TMEM132D: variants seen among roughly 807,000 people sequenced by gnomAD.
TMEM132D encodes the protein mature OL transmembrane protein.
Under a neutral mutation model 62.3 loss-of-function variants are expected in TMEM132D, and 21 were observed. That is an observed-to-expected ratio of 0.34 (90% CI 0.24 to 0.49). The LOEUF is 0.49. Ranked by LOEUF, TMEM132D falls within the 20% of genes least tolerant of loss-of-function variation. The probability of loss-of-function intolerance (pLI) is 0.99; values close to 1 mark genes in which losing one functional copy is unlikely to be tolerated. For synonymous variants in TMEM132D, 621 were observed against 575.6 expected (o/e 1.08, Z -1.13); for missense variants, 1,346 against 1,402.8 (o/e 0.96, Z 0.65).
chr12:129,566,833 CCTTAT>C (rs538101659), intron 2 of TMEM132D, among the ~76,000 whole-genome samples: 6 of 152,282 alleles, frequency 3.9e-5, no homozygotes, highest in East Asian at 3.9e-4. Flanking sequence ...TTCCACAACC[CCTTAT>C]CTTAACTCAC....
intron 3 of TMEM132D, among the ~76,000 whole-genome samples, chr12:129,338,640 G>A (rs985070574): frequency 6.6e-6 from 1 of 152,154 alleles, no homozygotes; most frequent in Non-Finnish European, 1.5e-5. Flanking sequence ...AGAATGAACA[G>A]AGGAATCCGC....
At chr12:129,333,215 T>C (rs951609650) in intron 4 of TMEM132D, among the ~76,000 whole-genome samples, 1 of 152,078 alleles carries the variant, frequency 6.6e-6, no homozygotes, top group African/African-American at 2.4e-5. Context: ...TGCAGGAAAA[T>C]GGGTATCACT....
At chr12:129,500,668 G>A (rs1273643529) in intron 3 of TMEM132D, among the ~76,000 whole-genome samples, 1 of 152,164 alleles carries the variant, frequency 6.6e-6, no homozygotes, top group Middle Eastern at 3.2e-3. Context: ...ACAATGACCC[G>A]CTTTTCCTCC....
chr12:129,740,965 T>C (rs1869588129), intron 1 of TMEM132D, among the ~76,000 whole-genome samples: 1 of 152,208 alleles, frequency 6.6e-6, no homozygotes, highest in Admixed American at 6.5e-5. Context: ...TTTAGCATTT[T>C]AGGGCCCTGA....
chr12:129,572,633 G>A (rs1368160844), intron 2 of TMEM132D, among the ~76,000 whole-genome samples: 2 of 152,008 alleles, frequency 1.3e-5, no homozygotes, highest in Non-Finnish European at 2.9e-5. Context: ...ATTTCTAGTA[G>A]AGATGGGGTT....
chr12:129,331,884 T>G (rs1869115360), intron 4 of TMEM132D, among the ~76,000 whole-genome samples: 1 of 152,050 alleles, frequency 6.6e-6, no homozygotes, highest in African/African-American at 2.4e-5. Context: ...GAAAGCTGAG[T>G]CACTACAAAG....
intron 2 of TMEM132D, among the ~76,000 whole-genome samples, chr12:129,602,872 C>A (rs1040601555): frequency 3.3e-5 from 5 of 152,122 alleles, no homozygotes; most frequent in African/African-American, 1.2e-4. Context: ...AGGAAACTTA[C>A]AACCATAGCA....
chr12:129,571,049 T>A (rs895368582), intron 2 of TMEM132D, among the ~76,000 whole-genome samples: 53 of 152,334 alleles, frequency 3.5e-4, no homozygotes, highest in African/African-American at 1.3e-3. Context: ...TTTGCTGTAA[T>A]TAGACTACGT....
chr12:129,268,323 C>G (rs1010683282), intron 4 of TMEM132D, among the ~76,000 whole-genome samples: 2 of 151,904 alleles, frequency 1.3e-5, no homozygotes, highest in Non-Finnish European at 1.5e-5. Context: ...ACAAAGAACT[C>G]AAACAAATTT....
intron 1 of TMEM132D, among the ~76,000 whole-genome samples, chr12:129,730,679 G>A (rs2137251700): frequency 6.6e-6 from 1 of 152,124 alleles, no homozygotes; most frequent in South Asian, 2.1e-4. Flanking sequence ...ACTGGGAAAA[G>A]CAGACCCACC....
At position 129,859,334 on chromosome 12, in the gene TMEM132D, G is replaced by A. The variant is rs1873816022; in HGVS notation, c.79+43927C>T. Among the ~76,000 whole-genome samples the A allele has an allele frequency of 5.9e-5, 9 of 152,274 alleles. No homozygotes were observed. In the South Asian group the frequency reaches 1.9e-3, roughly 32 times the overall value. On this transcript the variant is annotated intron_variant, in intron 1 of 8. Transcript: ENST00000422113. ...AGTAATTGCAGCTTTGCCATTAAAC[G>A]TAATAGCAAAAACCGCAATTACTTT...
intron 3 of TMEM132D, among the ~76,000 whole-genome samples, chr12:129,376,536 T>C (rs1264794820): frequency 6.6e-6 from 1 of 152,132 alleles, no homozygotes; most frequent in Non-Finnish European, 1.5e-5. Flanking sequence ...CAATTCAAGA[T>C]GAGATTTGGG....
At chr12:129,684,131 A>C (rs1244128114) in intron 2 of TMEM132D, among the ~76,000 whole-genome samples, 1 of 151,610 alleles carries the variant, frequency 6.6e-6, no homozygotes, top group African/African-American at 2.4e-5. Context: ...AATAATAATA[A>C]ATTCCATTTA....
intron 2 of TMEM132D, among the ~76,000 whole-genome samples, chr12:129,556,525 C>A (rs1287939943): frequency 1.3e-5 from 2 of 151,580 alleles, no homozygotes; most frequent in African/African-American, 2.4e-5. Context: ...CAGTGGTGAC[C>A]GAAAATGGTA....
intron 2 of TMEM132D, among the ~76,000 whole-genome samples, chr12:129,612,316 T>C (rs921381409): frequency 3.9e-5 from 6 of 152,256 alleles, no homozygotes; most frequent in Admixed American, 2.0e-4. Flanking sequence ...ATCCTCCCCC[T>C]TGTCAACATC....
At chr12:129,199,693 G>C (rs1878645192) in intron 5 of TMEM132D, among the ~76,000 whole-genome samples, 1 of 152,150 alleles carries the variant, frequency 6.6e-6, no homozygotes, top group Non-Finnish European at 1.5e-5. Context: ...ACAGCAGAAG[G>C]TGTAGGAGGA....
intron 5 of TMEM132D, 123 bp from the exon 6 acceptor site, chr12:129,084,825 A>C: frequency 2.5e-6 from 2 of 810,008 alleles, no homozygotes; most frequent in Non-Finnish European, 3.9e-6. Flanking sequence ...TCCCCTTACT[A>C]TGGGGGAGGA....
chr12:129,430,378 C>T (rs1216543095), intron 3 of TMEM132D, among the ~76,000 whole-genome samples: 1 of 152,164 alleles, frequency 6.6e-6, no homozygotes, highest in Admixed American at 6.5e-5. Flanking sequence ...GCATAAATGT[C>T]TTCTTTTGAG....
chr12:129,569,895 C>T (rs61943477), intron 2 of TMEM132D, among the ~76,000 whole-genome samples: 49,663 of 151,972 alleles, frequency 0.33, 8,524 homozygotes, highest in Non-Finnish European at 0.36. Context: ...GGAAACTGAA[C>T]GTTTTTAGTT....
Sources: gnomAD v4.1 joint callset for allele counts (sites outside exome capture counted in the v4.1 genomes callset) on GRCh38, gnomAD v4.1.1 for gene constraint, MANE v1.5 for transcripts, NCBI Gene and HGNC (gene_info 2026-07-23, HGNC 2026-07-21) for gene names.